The following PCDHGA3 variants were observed in gnomAD, a reference collection of about 807,000 sequenced individuals.
PCDHGA3 encodes the protein protocadherin gamma subfamily A, 3.
PCDHGA3 carries 40 observed loss-of-function variants against 58.5 expected under a neutral mutation model. That is an observed-to-expected ratio of 0.68 (90% CI 0.53 to 0.89). The LOEUF (loss-of-function observed/expected upper bound fraction) is 0.89, where lower values mean the gene tolerates loss of function less well. PCDHGA3 is among the 40% of genes least tolerant of loss of function. The pLI is 0.00. For missense variants in PCDHGA3, 1,223 were observed against 1,195.9 expected, an observed-to-expected ratio of 1.02 and a Z score of -0.33; for synonymous variants, 530 against 525.7, an observed-to-expected ratio of 1.01 and a Z score of -0.11.
intron 1 of PCDHGA3, chr5:141,427,833 G>T (rs1345567011): frequency 6.5e-7 from 1 of 1,540,964 alleles, no homozygotes; most frequent in Non-Finnish European, 8.9e-7. Flanking sequence ...CGCGCAGCGT[G>T]CCTTCGACCA....
intron 1 of PCDHGA3, among the ~76,000 whole-genome samples, chr5:141,457,046 T>A (rs2098905373): frequency 6.6e-6 from 1 of 152,198 alleles, no homozygotes; most frequent in South Asian, 2.1e-4. Flanking sequence ...ATAGTAAAAC[T>A]TTCATGCTTC....
intron 1 of PCDHGA3, chr5:141,468,330 C>CAAAAAAAAA (rs533390277): frequency 1.3e-5 from 1 of 79,886 alleles, no homozygotes; most frequent in African/African-American, 3.9e-5. Context: ...AACTCCATCT[C>CAAAAAAAAA]AAAAAAAAAA....
chr5:141,355,068 T>C lies in PCDHGA3; in HGVS notation c.2424+8611T>C, dbSNP rs544204227. ...ACAAAGCACTGGCTCTGGAGCTTTA[T>C]GAAAGCTTCAAGCGGAAGCCCTGAG... On this transcript the variant is annotated intron_variant, in intron 1 of 3. Transcript: ENST00000253812. 115 of 1,333,900 alleles carry C rather than the reference T, an allele frequency of 8.6e-5. 2 individuals carry two copies. The South Asian group carries it at 1.7e-3, about 20-fold the overall frequency. The allele number at this position is 1,333,900 out of a possible 1,614,324, so 82.6% of individuals were successfully genotyped here.
intron 3 of PCDHGA3, among the ~76,000 whole-genome samples, chr5:141,508,975 G>T (rs1360718244): frequency 2.6e-5 from 4 of 152,148 alleles, no homozygotes; most frequent in African/African-American, 7.2e-5. Context: ...AAGGGCTGGG[G>T]GTGGGGGCCA....
At chr5:141,467,352 C>A (rs2099142466) in intron 1 of PCDHGA3, among the ~76,000 whole-genome samples, 1 of 152,140 alleles carries the variant, frequency 6.6e-6, no homozygotes, top group South Asian at 2.1e-4. Context: ...TGCCCCCGGC[C>A]AAATCAACGT....
chr5:141,421,665 C>G (rs1227312221), intron 1 of PCDHGA3: 4 of 1,613,854 alleles, frequency 2.5e-6, no homozygotes, highest in Non-Finnish European at 2.5e-6. Flanking sequence ...TCAGTGAGCA[C>G]GCAATTCCTG....
chr5:141,474,847 GCCTTCT>G (rs906863967), intron 1 of PCDHGA3, among the ~76,000 whole-genome samples: 3 of 152,198 alleles, frequency 2.0e-5, no homozygotes, highest in African/African-American at 7.2e-5. Context: ...CACTTTACCT[GCCTTCT>G]TCATTTAATA....
chr5:141,413,445 C>A (rs764464917), intron 1 of PCDHGA3: 1 of 1,613,986 alleles, frequency 6.2e-7, no homozygotes, highest in Admixed American at 1.7e-5. Flanking sequence ...GCTTGATCAC[C>A]GCGGGCAGGA....
chr5:141,436,267 T>C (rs2097805427), intron 1 of PCDHGA3, among the ~76,000 whole-genome samples: 1 of 152,198 alleles, frequency 6.6e-6, no homozygotes, highest in South Asian at 2.1e-4. Flanking sequence ...TCTGCTCACC[T>C]AACTTGATTT....
chr5:141,388,864 C>T (rs748559328), intron 1 of PCDHGA3: 15 of 1,613,736 alleles, frequency 9.3e-6, no homozygotes, highest in Middle Eastern at 1.6e-4. Flanking sequence ...GGAATGATTG[C>T]GCAATGCACA....
At chr5:141,439,741 A>C (rs1303886454) in intron 1 of PCDHGA3, 1 of 152,352 alleles carries the variant, frequency 6.6e-6, no homozygotes, top group African/African-American at 2.4e-5. Flanking sequence ...AACGGAACGG[A>C]TTTACAGGCA....
chr5:141,353,792 A>G (rs1327705578), intron 1 of PCDHGA3, among the ~76,000 whole-genome samples: 1 of 152,212 alleles, frequency 6.6e-6, no homozygotes, highest in African/African-American at 2.4e-5. Context: ...TTATTTCCAA[A>G]CATCTTATTT....
chr5:141,351,655 C>T, intron 1 of PCDHGA3: 2 of 1,614,068 alleles, frequency 1.2e-6, no homozygotes, highest in Non-Finnish European at 1.7e-6. Context: ...CACCTGGCGC[C>T]TCCATTGCAC....
intron 1 of PCDHGA3, chr5:141,384,588 G>C: frequency 1.2e-6 from 2 of 1,614,242 alleles, no homozygotes; most frequent in Middle Eastern, 1.6e-4. Context: ...CCGAGATCCT[G>C]TACCCGGCCC....
chr5:141,409,369 C>T, intron 1 of PCDHGA3: 1 of 1,613,986 alleles, frequency 6.2e-7, no homozygotes, highest in Non-Finnish European at 8.5e-7. Flanking sequence ...TAGAAACAGA[C>T]ATTCCATTCA....
Position 141,397,948 on chromosome 5 carries a change from C to T in PCDHGA3, c.2424+51491C>T, listed in dbSNP as rs139631080. The T allele has an allele frequency of 7.9e-4, 721 of 913,614 alleles. 6 individuals are homozygous for T. The African/African-American group carries it at 0.01, about 13-fold the overall frequency. The allele number at this position is 913,614 out of a possible 1,614,324, so 56.6% of individuals were successfully genotyped here. On this transcript the variant is annotated intron_variant, in intron 1 of 3. Coordinates refer to ENST00000253812, the MANE Select transcript of PCDHGA3 (RefSeq NM_018916.4). Reference sequence around the variant, plus strand: ...CGCAGCCGCAGCGCGCTTTCCAGGGCAGCCCCAGCTCAGACTCCCCAGCGC... The same window carrying T: ...CGCAGCCGCAGCGCGCTTTCCAGGGTAGCCCCAGCTCAGACTCCCCAGCGC...
chr5:141,435,334 T>A (rs1223377462), intron 1 of PCDHGA3, among the ~76,000 whole-genome samples: 1 of 152,196 alleles, frequency 6.6e-6, no homozygotes, highest in African/African-American at 2.4e-5. Flanking sequence ...ATATAGTGAA[T>A]TTATTTCTTC....
intron 1 of PCDHGA3, chr5:141,399,825 C>T (rs1439243162): frequency 1.9e-6 from 3 of 1,613,178 alleles, no homozygotes; most frequent in Non-Finnish European, 2.5e-6. Flanking sequence ...TGGGTCCCGA[C>T]GGCTCTGCGC....
At chr5:141,352,200 A>G in intron 1 of PCDHGA3, 1 of 1,613,934 alleles carries the variant, frequency 6.2e-7, no homozygotes, top group Non-Finnish European at 8.5e-7. Context: ...GATGGAGGAC[A>G]GCCGCCACTC....
Sources: gnomAD v4.1 joint callset for allele counts (sites outside exome capture counted in the v4.1 genomes callset) on GRCh38, gnomAD v4.1.1 for gene constraint, MANE v1.5 for transcripts, NCBI Gene and HGNC (gene_info 2026-07-23, HGNC 2026-07-21) for gene names.